Variants in LACC1 observed in about 807,000 individuals in gnomAD.
The protein encoded by LACC1 is purine nucleoside phosphorylase LACC1.
LACC1 carries 25 observed loss-of-function variants against 34.8 expected under a neutral mutation model. That is an observed-to-expected ratio of 0.72 (90% confidence interval 0.52 to 1.00). LACC1 has a LOEUF of 1.00. Among genes scored for constraint, LACC1 ranks in the 50% least tolerant of loss-of-function variants. The probability of loss-of-function intolerance (pLI) is 0.00; values close to 1 mark genes in which losing one functional copy is unlikely to be tolerated. For synonymous variants in LACC1, 162 were observed against 168.0 expected (o/e 0.96, Z 0.28); for missense variants, 426 against 511.2 (o/e 0.83, Z 1.61).
intron 5 of LACC1, 87 bp from the exon 6 acceptor site, chr13:43,890,027 C>A: frequency 8.6e-7 from 1 of 1,169,548 alleles, no homozygotes; most frequent in Non-Finnish European, 1.2e-6. Flanking sequence ...GGAACTTTTT[C>A]ATGCCAACAT....
In LACC1 at chr13:43,885,766, A is replaced by G. The variant is rs188609501; in HGVS notation, c.907+1830A>G. Among the ~76,000 whole-genome samples, 75 of 152,356 alleles carry G rather than the reference A, an allele frequency of 4.9e-4. 1 individual carries two copies. The East Asian group carries it at 0.013, about 27-fold the overall frequency. On this transcript the variant is annotated intron_variant, in intron 4 of 6. Coordinates refer to ENST00000325686, the MANE Select transcript of LACC1 (RefSeq NM_153218.4). ...AACAAAAATAGTCAAGTGGGACCCA[A>G]TTAAACTAAGGAGCTTCTGCACAGC...
At chr13:43,889,072 A>G in intron 5 of LACC1, 90 bp downstream of exon 5, 1 of 1,057,848 alleles carries the variant, frequency 9.5e-7, no homozygotes, top group East Asian at 2.4e-5. Flanking sequence ...TAACTCTAAG[A>G]AGAATTTAGG....
At chr13:43,879,780 A>AGGCGGGGCGG (rs1566960840), upstream of LACC1, 7 of 91,018 alleles carry the variant, frequency 7.7e-5, no homozygotes, top group East Asian at 7.8e-4. Context: ...GGGCGAGGTG[A>AGGCGGGGCGG]GGCGGGGCGA....
At position 43,881,453 on chromosome 13, in the gene LACC1, A is replaced by T; in HGVS notation, c.468A>T (p.Glu156Asp). ...AAATAAACGTAATCACAGCTCAAGA[A>T]CTAAGAGGAATTCAGAATGAAATAG... is the stretch of plus-strand genomic sequence containing the variant. ...SIEINVITAQELRGIQNEIET... is the reference protein window; with the variant it reads ...SIEINVITAQDLRGIQNEIET... Residue 156 changes from glutamate (E) to aspartate (D), a missense_variant, in exon 2 of 7, where the codon GAA becomes GAT. By Grantham distance (45) the Glu-to-Asp change is conservative. This residue lies in a region of LACC1 where 217 missense variants were observed against 210.9 expected (regional missense o/e 1.03). Coordinates refer to ENST00000325686, the MANE Select transcript of LACC1 (RefSeq NM_153218.4). 6.2e-7 allele frequency: 1 copy of T among 1,614,074 alleles called. No individual in the cohort carries two copies.
chr13:43,890,608 A>T (rs1955532789), intron 6 of LACC1, among the ~76,000 whole-genome samples: 2 of 152,182 alleles, frequency 1.3e-5, no homozygotes, highest in Non-Finnish European at 2.9e-5. Flanking sequence ...GTATGTAAGT[A>T]TTTCCTTTCT....
At chr13:43,891,418 G>A (rs572599386) in intron 6 of LACC1, 31 bp from the exon 7 acceptor site, 51 of 963,192 alleles carry the variant, frequency 5.3e-5, no homozygotes, top group Non-Finnish European at 6.1e-5. Context: ...ACCAGTAAGC[G>A]TCTCATATTT....
chr13:43,881,533 C>T lies in LACC1; in HGVS notation c.548C>T (p.Ser183Phe), dbSNP rs1955048684. ...ALRGKLTIIT[S>F]SLIPDIFIHG... ...AGAGGAAAATTAACTATTATCACTT[C>T]TTCTTTGATCCCAGGTATATTAACC... is the stretch of plus-strand genomic sequence containing the variant. Residue 183 changes from serine (S) to phenylalanine (F), a missense_variant, in exon 2 of 7, where the codon TCT becomes TTT. Coordinates refer to ENST00000325686, the MANE Select transcript of LACC1 (RefSeq NM_153218.4). 1.9e-6 allele frequency: 3 copies of T among 1,599,416 alleles called. No homozygotes were observed. Among genetic ancestry groups the T allele is most frequent in the Non-Finnish European group, 2.6e-6 (3 of 1,174,538 alleles).
Position 43,888,962 on chromosome 13 carries a change from C to A in LACC1, c.1113C>A (p.Ile371=). The A allele has an allele frequency of 6.2e-7, 1 of 1,613,122 alleles. No individual in the cohort carries two copies. Among genetic ancestry groups the A allele is most frequent in the Non-Finnish European group, 8.5e-7 (1 of 1,179,208 alleles). ...VQLFDSPNPC[I]DIRKATRILL... is the part of the protein sequence containing the mutation. ...TATTTGATTCACCAAATCCCTGTAT[C>A]GACATCCGTAAAGCCACAAGGTATG... Residue 371 remains isoleucine (I), a synonymous_variant, in exon 5 of 7, where the codon ATC becomes ATA. Coordinates refer to ENST00000325686, the MANE Select transcript of LACC1 (RefSeq NM_153218.4).
intron 6 of LACC1, 107 bp downstream of exon 6, chr13:43,890,381 T>G (rs1395724231): frequency 3.5e-6 from 3 of 867,622 alleles, no homozygotes; most frequent in Non-Finnish European, 5.0e-6. Context: ...CCTCCCCTTA[T>G]TTAAAAAAAA....
At chr13:43,880,882 T>G in intron 1 of LACC1, 70 bp from the exon 2 acceptor site, 2 of 1,028,268 alleles carry the variant, frequency 1.9e-6, no homozygotes. Flanking sequence ...GTTTTTAATC[T>G]ACCACAAATT....
rs1370259012 is a variant in LACC1 at position 43,892,402 on chromosome 13, C to T, written c.*955C>T. The T allele has an allele frequency of 6.6e-6, 1 of 151,694 alleles. No homozygotes were observed. Among genetic ancestry groups the T allele is most frequent in the Non-Finnish European group, 1.5e-5 (1 of 67,898 alleles). The allele number at this position is 151,694 out of a possible 1,614,324, so 9.4% of individuals were successfully genotyped here. On this transcript the variant is annotated 3_prime_UTR_variant, in exon 7 of 7. Transcript: ENST00000325686. ...ATTTAAGAGATGGAATCAATAGATC[C>T]TGTTACTAGATAATGGAAGTAAGAG...
intron 4 of LACC1, among the ~76,000 whole-genome samples, chr13:43,885,515 C>T (rs767373574): frequency 1.3e-5 from 2 of 152,086 alleles, no homozygotes; most frequent in Non-Finnish European, 2.9e-5. Flanking sequence ...GAAAGGAATC[C>T]CTGTTCCATA....
intron 4 of LACC1, among the ~76,000 whole-genome samples, chr13:43,884,154 C>G (rs1211767984): frequency 1.3e-5 from 2 of 152,106 alleles, no homozygotes; most frequent in East Asian, 3.8e-4. Flanking sequence ...GAGGTGGCAC[C>G]TAGGTTGATT....
chr13:43,889,100 G>A, intron 5 of LACC1, 118 bp downstream of exon 5: 1 of 744,104 alleles, frequency 1.3e-6, no homozygotes, highest in South Asian at 1.7e-5. Flanking sequence ...TATTTAAGCA[G>A]CTGACATGCA....
At chr13:43,887,070 C>A (rs1417581999) in intron 4 of LACC1, among the ~76,000 whole-genome samples, 2 of 152,130 alleles carry the variant, frequency 1.3e-5, no homozygotes, top group Non-Finnish European at 2.9e-5. Flanking sequence ...TCACTGTCTG[C>A]ATCTTCCTAG....
At chr13:43,885,336 A>C (rs1421536550) in intron 4 of LACC1, among the ~76,000 whole-genome samples, 1 of 152,230 alleles carries the variant, frequency 6.6e-6, no homozygotes, top group Non-Finnish European at 1.5e-5. Context: ...TGGAGGAGTC[A>C]TATTGCCTCC....
intron 4 of LACC1, among the ~76,000 whole-genome samples, chr13:43,887,452 C>T (rs1955382166): frequency 1.3e-5 from 2 of 152,134 alleles, no homozygotes; most frequent in South Asian, 4.1e-4. Context: ...ATATTCTTAG[C>T]TTTCTGTCTT....
chr13:43,885,376 C>T (rs1955264832), intron 4 of LACC1, among the ~76,000 whole-genome samples: 1 of 152,138 alleles, frequency 6.6e-6, no homozygotes, highest in Non-Finnish European at 1.5e-5. Flanking sequence ...GTTACAGTTA[C>T]CAAAACAGCA....
Position 43,891,847 on chromosome 13 carries a change from C to G in LACC1, c.*400C>G, listed in dbSNP as rs1321480154. 2 of 152,228 alleles carry G rather than the reference C, an allele frequency of 1.3e-5. No individual in the cohort carries two copies. Among genetic ancestry groups the G allele is most frequent in the African/African-American group, 4.8e-5 (2 of 41,440 alleles). The allele number at this position is 152,228 out of a possible 1,614,324, so 9.4% of individuals were successfully genotyped here. On this transcript the variant is annotated 3_prime_UTR_variant, in exon 7 of 7. Coordinates refer to ENST00000325686, the MANE Select transcript of LACC1 (RefSeq NM_153218.4). The stretch of plus-strand genomic sequence containing the variant: ...ACAGTGAAGGAGATAAACACTTCTA[C>G]AACTTAAATTTAATTTTAATAGCAG...
Sources: allele counts gnomAD v4.1 joint callset (sites outside exome capture counted in the v4.1 genomes callset), GRCh38; gene constraint gnomAD v4.1.1; regional missense constraint gnomAD v4.1.1; transcripts MANE v1.5; gene names NCBI Gene and HGNC (gene_info 2026-07-23, HGNC 2026-07-21).